Variants in LRRC7 observed in about 807,000 individuals in gnomAD.
LRRC7 encodes leucine-rich repeat-containing protein 7.
A neutral mutation model predicts 175.7 loss-of-function variants in LRRC7; 23 were observed. That is an observed-to-expected ratio of 0.13 (90% confidence interval 0.09 to 0.19). The LOEUF is 0.19. Among genes scored for constraint, LRRC7 ranks in the 10% least tolerant of loss-of-function variants. The pLI is 1.00. For synonymous variants in LRRC7, 685 were observed against 680.9 expected, an observed-to-expected ratio of 1.01 and a Z score of -0.09; for missense variants, 1,354 against 1,904.7, an observed-to-expected ratio of 0.71 and a Z score of 5.38.
At chr1:70,010,036 C>G (rs1395917159) in intron 11 of LRRC7, among the ~76,000 whole-genome samples, 1 of 152,128 alleles carries the variant, frequency 6.6e-6, no homozygotes, top group Non-Finnish European at 1.5e-5. Flanking sequence ...GAGTGCTACT[C>G]AGTGAATTTC....
At chr1:70,015,326 A>AT (rs750510566) in intron 13 of LRRC7, among the ~76,000 whole-genome samples, 1 of 151,852 alleles carries the variant, frequency 6.6e-6, no homozygotes, top group Admixed American at 6.6e-5. Context: ...TATTTATTAG[A>AT]TTTTAAGAAG....
chr1:69,624,166 A>T (rs974681287), intron 1 of LRRC7, among the ~76,000 whole-genome samples: 1 of 152,188 alleles, frequency 6.6e-6, no homozygotes, highest in South Asian at 2.1e-4. Flanking sequence ...CTGCTATTAT[A>T]TATCAGCCCT....
intron 1 of LRRC7, 88 bp downstream of exon 1, chr1:69,568,729 A>C: frequency 8.6e-5 from 65 of 759,152 alleles, no homozygotes; most frequent in Non-Finnish European, 1.1e-4. Context: ...GGGACCCCAG[A>C]GGCCGGCCGG....
intron 8 of LRRC7, among the ~76,000 whole-genome samples, chr1:69,961,176 T>C (rs1486515666): frequency 6.6e-6 from 1 of 152,178 alleles, no homozygotes; most frequent in Non-Finnish European, 1.5e-5. Context: ...CTAGCTCCTC[T>C]ATACACTAGC....
At chr1:69,736,924 C>CT (rs1459294004) in intron 2 of LRRC7, among the ~76,000 whole-genome samples, 3 of 151,974 alleles carry the variant, frequency 2.0e-5, no homozygotes, top group Non-Finnish European at 4.4e-5. Flanking sequence ...AAGGATGAGT[C>CT]TTTTTTATAG....
intron 25 of LRRC7, among the ~76,000 whole-genome samples, chr1:70,096,897 T>A (rs1664445020): frequency 1.3e-5 from 2 of 152,164 alleles, no homozygotes; most frequent in Non-Finnish European, 2.9e-5. Context: ...CTTCTAAATC[T>A]TTGCTGATTC....
At chr1:70,116,475 A>G (rs1334698838) in intron 26 of LRRC7, among the ~76,000 whole-genome samples, 1 of 148,178 alleles carries the variant, frequency 6.7e-6, no homozygotes, top group East Asian at 2.0e-4. Flanking sequence ...TGAGCCCGGG[A>G]GGCAGAGCTT....
chr1:69,820,161 A>G (rs1334747064), intron 4 of LRRC7, among the ~76,000 whole-genome samples: 1 of 150,772 alleles, frequency 6.6e-6, no homozygotes, highest in Non-Finnish European at 1.5e-5. Context: ...GTATGTTTTA[A>G]ATTATTTATT....
chr1:69,636,382 C>A (rs1653359552), intron 1 of LRRC7, among the ~76,000 whole-genome samples: 1 of 151,050 alleles, frequency 6.6e-6, no homozygotes. Context: ...AAAATGAGTT[C>A]TACTATCACT....
chr1:69,995,739 T>C (rs1234631443), intron 11 of LRRC7, among the ~76,000 whole-genome samples: 1 of 152,174 alleles, frequency 6.6e-6, no homozygotes, highest in Non-Finnish European at 1.5e-5. Context: ...GAACTCATCA[T>C]TTTTTATGGC....
intron 8 of LRRC7, among the ~76,000 whole-genome samples, chr1:69,948,873 A>G (rs554039596): frequency 1.1e-3 from 168 of 152,296 alleles, no homozygotes; most frequent in African/African-American, 3.9e-3. Context: ...GCCAACCTGA[A>G]GTTAGGTAGA....
At chr1:70,037,890 A>G (rs1420844019) in intron 20 of LRRC7, among the ~76,000 whole-genome samples, 1 of 152,214 alleles carries the variant, frequency 6.6e-6, no homozygotes, top group Non-Finnish European at 1.5e-5. Context: ...AGTAAATTAT[A>G]TAGTATATTA....
At chr1:69,787,243 C>A (rs1674551176) in intron 3 of LRRC7, among the ~76,000 whole-genome samples, 1 of 152,230 alleles carries the variant, frequency 6.6e-6, no homozygotes, top group African/African-American at 2.4e-5. Flanking sequence ...GTACGGCCCC[C>A]CTCCCAGCTG....
At chr1:70,029,441 C>T (rs1189864400) in intron 18 of LRRC7, among the ~76,000 whole-genome samples, 1 of 151,976 alleles carries the variant, frequency 6.6e-6, no homozygotes, top group African/African-American at 2.4e-5. Context: ...TGCACATCTG[C>T]CAGCAGAGGT....
At chr1:69,722,076 G>A (rs1666420203) in intron 2 of LRRC7, among the ~76,000 whole-genome samples, 1 of 151,680 alleles carries the variant, frequency 6.6e-6, no homozygotes, top group Non-Finnish European at 1.5e-5. Flanking sequence ...GAATTAACTG[G>A]CATTATCAGC....
chr1:70,012,381 A>G (rs1656589239), intron 12 of LRRC7, among the ~76,000 whole-genome samples: 1 of 151,942 alleles, frequency 6.6e-6, no homozygotes, highest in Admixed American at 6.5e-5. Flanking sequence ...GTGGGATTTT[A>G]CTTACTAATA....
At chr1:69,833,438 G>T (rs946997985) in intron 5 of LRRC7, among the ~76,000 whole-genome samples, 6 of 152,106 alleles carry the variant, frequency 3.9e-5, no homozygotes, top group South Asian at 2.1e-4. Context: ...CACCCAGAAG[G>T]TTTCAAAGAT....
chr1:70,001,965 T>G (rs1040738568), intron 11 of LRRC7, among the ~76,000 whole-genome samples: 16 of 152,198 alleles, frequency 1.1e-4, no homozygotes, highest in African/African-American at 3.9e-4. Context: ...GTCACCAGAC[T>G]TCAATGCCAA....
intron 1 of LRRC7, among the ~76,000 whole-genome samples, chr1:69,651,171 T>C (rs980826704): frequency 1.3e-5 from 2 of 152,212 alleles, no homozygotes; most frequent in African/African-American, 4.8e-5. Context: ...TTCCATATTT[T>C]ATTCATATAC....
Sources: gnomAD v4.1 joint callset for allele counts (sites outside exome capture counted in the v4.1 genomes callset) on GRCh38, gnomAD v4.1.1 for gene constraint, MANE v1.5 for transcripts, NCBI Gene and HGNC (gene_info 2026-07-23, HGNC 2026-07-21) for gene names.